The following CPNE4 variants were observed in gnomAD, a reference collection of about 807,000 sequenced individuals.
CPNE4 encodes copine 4.
In CPNE4, 25 loss-of-function variants were observed where a neutral mutation model predicts 67.9. The ratio of observed to expected loss-of-function variants is 0.37; its 90% CI spans 0.27 to 0.51. CPNE4 has a LOEUF of 0.51. Among genes scored for constraint, CPNE4 ranks in the 20% least tolerant of loss-of-function variants. The probability of loss-of-function intolerance (pLI) is 0.93; values close to 1 mark genes in which losing one functional copy is unlikely to be tolerated. For synonymous variants in CPNE4, 242 were observed against 244.9 expected, an observed-to-expected ratio of 0.99 and a Z score of 0.11; for missense variants, 464 against 690.8, an observed-to-expected ratio of 0.67 and a Z score of 3.68.
At chr3:131,563,057 A>G (rs191362717) in intron 11 of CPNE4, among the ~76,000 whole-genome samples, 18 of 152,058 alleles carry the variant, frequency 1.2e-4, no homozygotes, top group Admixed American at 1.2e-3. Flanking sequence ...CAGGAGATTG[A>G]CTGCACCTTT....
At chr3:131,593,726 TG>T (rs1938674521) in intron 7 of CPNE4, among the ~76,000 whole-genome samples, 1 of 152,174 alleles carries the variant, frequency 6.6e-6, no homozygotes, top group South Asian at 2.1e-4. Flanking sequence ...TTGTTTGTTT[TG>T]TTTTTGATGG....
intron 2 of CPNE4, among the ~76,000 whole-genome samples, chr3:131,888,346 T>C (rs549033351): frequency 6.6e-6 from 1 of 151,990 alleles, no homozygotes; most frequent in South Asian, 2.1e-4. Context: ...CAAAATTTTG[T>C]TCCTTTGATA....
At chr3:131,839,370 T>C (rs1290526745) in intron 2 of CPNE4, among the ~76,000 whole-genome samples, 2 of 151,606 alleles carry the variant, frequency 1.3e-5, no homozygotes, top group African/African-American at 4.8e-5. Context: ...GGAAAATGCT[T>C]ATAATATAAT....
At chr3:131,681,018 T>A (rs944344312) in intron 6 of CPNE4, among the ~76,000 whole-genome samples, 13 of 152,246 alleles carry the variant, frequency 8.5e-5, no homozygotes, top group African/African-American at 3.1e-4. Flanking sequence ...TATGGCTAAG[T>A]AGTATTCCAT....
At position 131,723,632 on chromosome 3, in the gene CPNE4, G is replaced by A. The variant is rs781064508; in HGVS notation, c.181-7C>T. 1.2e-6 allele frequency: 2 copies of A among 1,606,288 alleles called. No individual in the cohort carries two copies. The highest frequency in any genetic ancestry group is 1.7e-6 in the Non-Finnish European group (2 of 1,175,088). The stretch of plus-strand genomic sequence containing the variant: ...TCACCTCAGTCCTGTCAACCTGCAA[G>A]GAGAAAGAGAAAACCTATCAGAGAT... On this transcript the variant is annotated splice_polypyrimidine_tract_variant and splice_region_variant and intron_variant, in intron 2 of 15. Transcript: ENST00000429747.
intron 2 of CPNE4, among the ~76,000 whole-genome samples, chr3:131,877,533 G>C (rs2087508283): frequency 6.6e-6 from 1 of 152,146 alleles, no homozygotes; most frequent in South Asian, 2.1e-4. Context: ...TGATTGCTAT[G>C]AAGCCTATGA....
chr3:131,673,192 G>A (rs188196108), intron 6 of CPNE4, among the ~76,000 whole-genome samples: 3 of 152,064 alleles, frequency 2.0e-5, no homozygotes, highest in Admixed American at 2.0e-4. Context: ...TGTTCCATGG[G>A]TTTATGTGTC....
intron 1 of CPNE4, among the ~76,000 whole-genome samples, chr3:131,915,959 G>A (rs2089165916): frequency 6.6e-6 from 1 of 152,150 alleles, no homozygotes; most frequent in Non-Finnish European, 1.5e-5. Context: ...TTCAGGAGAA[G>A]AATTTAATGT....
chr3:131,754,830 C>G (rs943778310), intron 2 of CPNE4, among the ~76,000 whole-genome samples: 12 of 152,184 alleles, frequency 7.9e-5, no homozygotes, highest in African/African-American at 2.9e-4. Context: ...AAGAGAAACA[C>G]AGAGGTATTT....
intron 7 of CPNE4, among the ~76,000 whole-genome samples, chr3:131,616,283 T>C (rs1940155805): frequency 6.6e-6 from 1 of 152,116 alleles, no homozygotes; most frequent in East Asian, 1.9e-4. Flanking sequence ...TGGTATAGCA[T>C]GAGAATAAAT....
chr3:131,618,490 A>G (rs1264297628), intron 7 of CPNE4, among the ~76,000 whole-genome samples: 3 of 152,118 alleles, frequency 2.0e-5, no homozygotes, highest in Non-Finnish European at 4.4e-5. Context: ...CTTGCTTACT[A>G]TCCTTTGGGC....
At chr3:131,968,934 T>C (rs541833144) in intron 1 of CPNE4, among the ~76,000 whole-genome samples, 23 of 152,242 alleles carry the variant, frequency 1.5e-4, no homozygotes, top group African/African-American at 4.3e-4. Context: ...CTATTCACAA[T>C]AGCAAATACT....
intron 1 of CPNE4, among the ~76,000 whole-genome samples, chr3:132,008,132 T>C (rs1033946238): frequency 1.3e-5 from 2 of 152,192 alleles, no homozygotes; most frequent in African/African-American, 4.8e-5. Flanking sequence ...TATATGGGAA[T>C]GATTCAGTTT....
At chr3:131,898,599 T>G in intron 2 of CPNE4, among the ~76,000 whole-genome samples, 1 of 152,104 alleles carries the variant, frequency 6.6e-6, no homozygotes, top group African/African-American at 2.4e-5. Context: ...ATGTTGAGAT[T>G]TTACTTATAA....
rs190151304 is a variant in CPNE4, at chr3:131,969,370, T to G, written c.-1-63926A>C. On this transcript the variant is annotated intron_variant, in intron 1 of 15. Coordinates refer to ENST00000429747, the MANE Select transcript of CPNE4 (RefSeq NM_130808.3). Reference sequence around the variant, plus strand: ...CACATGTATCCCAGAACTTAAAATATTAAAAAAAAAAGTAATGGCAAAAAC... The same window carrying G: ...CACATGTATCCCAGAACTTAAAATAGTAAAAAAAAAAGTAATGGCAAAAAC... Among the ~76,000 whole-genome samples, 495 of 149,596 alleles carry G rather than the reference T, an allele frequency of 3.3e-3. 6 individuals are homozygous for G. The highest frequency in any genetic ancestry group is 2.2e-3 in the Non-Finnish European group (151 of 67,202).
rs538904015 is a variant in CPNE4, at chr3:131,708,257, A to G, written c.361-8277T>C. ...GGACCTCTGGCTCCTGGGAAGAAGA[A>G]GGAGCTACTGAGTGAGTAGGACACA... On this transcript the variant is annotated intron_variant, in intron 3 of 15. Transcript: ENST00000429747. Among the ~76,000 whole-genome samples, 10 of 152,238 alleles carry G rather than the reference A, an allele frequency of 6.6e-5. No homozygotes were observed. The East Asian group carries it at 1.9e-3, about 29-fold the overall frequency.
chr3:131,727,562 A>T (rs985299688), intron 2 of CPNE4, among the ~76,000 whole-genome samples: 1 of 152,072 alleles, frequency 6.6e-6, no homozygotes, highest in African/African-American at 2.4e-5. Flanking sequence ...GTGCTCATTT[A>T]AAAAAAACAG....
In CPNE4 at chr3:131,534,966, G is replaced by T; in HGVS notation, c.*229C>A. ...GCTGTAATGTAAATAGTAAGTTATT[G>T]TTATCTGTGTTTCTTTGTAAAAAGT... On this transcript the variant is annotated 3_prime_UTR_variant, in exon 16 of 16. Coordinates refer to ENST00000429747, the MANE Select transcript of CPNE4 (RefSeq NM_130808.3). 2.8e-6 allele frequency: 1 copy of T among 355,112 alleles called. No individual in the cohort carries two copies. The highest frequency in any genetic ancestry group is 5.0e-6 in the Non-Finnish European group (1 of 199,196). The allele number at this position is 355,112 out of a possible 1,614,324, so 22.0% of individuals were successfully genotyped here.
At chr3:131,860,180 T>C (rs981387150) in intron 2 of CPNE4, among the ~76,000 whole-genome samples, 12 of 152,160 alleles carry the variant, frequency 7.9e-5, no homozygotes, top group African/African-American at 2.9e-4. Context: ...CAACAAAGCA[T>C]GAAAACAAAT....
Sources: gnomAD v4.1 joint callset for allele counts (sites outside exome capture counted in the v4.1 genomes callset) on GRCh38, gnomAD v4.1.1 for gene constraint, MANE v1.5 for transcripts, NCBI Gene and HGNC (gene_info 2026-07-23, HGNC 2026-07-21) for gene names.